The following PLSCR4 variants were observed in gnomAD, a reference collection of about 807,000 sequenced individuals.
PLSCR4 encodes the protein Ca(2+)-dependent phospholipid scramblase 4.
Under a neutral mutation model 36.3 loss-of-function variants are expected in PLSCR4, and 25 were observed. The observed-to-expected ratio is 0.69, with a 90% CI of 0.50 to 0.96. PLSCR4 has a LOEUF of 0.96. Ranked by LOEUF, PLSCR4 falls within the 40% of genes least tolerant of loss-of-function variation. PLSCR4 has a pLI of 0.00. For missense variants in PLSCR4, 408 were observed against 414.7 expected (o/e 0.98, Z 0.14); for synonymous variants, 122 against 132.9 (o/e 0.92, Z 0.56).
Position 146,222,095 on chromosome 3 carries a change from G to GA in PLSCR4, c.-21-4dup. 9.0e-7 allele frequency: 1 copy of GA among 1,108,894 alleles called. No individual in the cohort carries two copies. The highest frequency in any genetic ancestry group is 1.2e-6 in the Non-Finnish European group (1 of 802,344). 68.7% of individuals were successfully genotyped at this position (1,108,894 alleles called of 1,614,324 possible). On this transcript the variant is annotated splice_region_variant and splice_polypyrimidine_tract_variant and intron_variant, in intron 1 of 8. Coordinates refer to ENST00000354952, the MANE Select transcript of PLSCR4 (RefSeq NM_020353.3). ...ATTTTGAAGAATTCCAATTAATCCT[G>GA]AAAAATAAAAAATGTTAATGCCTTT...
chr3:146,224,668 T>C (rs1252465863), intron 1 of PLSCR4, among the ~76,000 whole-genome samples: 10 of 151,906 alleles, frequency 6.6e-5, no homozygotes, highest in Non-Finnish European at 1.0e-4. Context: ...GCTTCCACAG[T>C]GTGGAAGGGG....
At chr3:146,248,468 TTAC>T (rs1356582837) in intron 1 of PLSCR4, among the ~76,000 whole-genome samples, 1 of 151,502 alleles carries the variant, frequency 6.6e-6, no homozygotes, top group Non-Finnish European at 1.5e-5. Context: ...AAAAATATAA[TTAC>T]TACACTACAC....
At chr3:146,225,034 G>A (rs978310509) in intron 1 of PLSCR4, among the ~76,000 whole-genome samples, 1 of 150,678 alleles carries the variant, frequency 6.6e-6, no homozygotes, top group African/African-American at 2.5e-5. Flanking sequence ...CAAACCTTGA[G>A]CTAAATACAG....
intron 4 of PLSCR4, 90 bp from the exon 5 acceptor site, chr3:146,201,167 G>A: frequency 1.3e-6 from 1 of 756,028 alleles, no homozygotes; most frequent in Non-Finnish European, 2.1e-6. Flanking sequence ...ATATTAAAAT[G>A]CATCAATTGA....
chr3:146,202,249 A>G (rs903331925), intron 4 of PLSCR4, among the ~76,000 whole-genome samples: 27 of 151,970 alleles, frequency 1.8e-4, no homozygotes, highest in African/African-American at 6.0e-4. Flanking sequence ...TAGAAGTGAA[A>G]AGTAAAAATA....
intron 1 of PLSCR4, among the ~76,000 whole-genome samples, chr3:146,235,511 C>A (rs1038811524): frequency 3.9e-5 from 6 of 152,076 alleles, no homozygotes; most frequent in African/African-American, 1.2e-4. Context: ...AACTCTTTTT[C>A]TTTGTAAATT....
intron 3 of PLSCR4, 126 bp downstream of exon 3, chr3:146,220,689 C>T (rs868040698): frequency 9.0e-6 from 6 of 667,180 alleles, no homozygotes; most frequent in African/African-American, 1.8e-5. Flanking sequence ...TATGTGGCAC[C>T]CTATTGGCAT....
chr3:146,196,724 C>G lies in PLSCR4; in HGVS notation c.694G>C (p.Val232Leu), dbSNP rs1216544237. ...VAEHWNLCRA[V>L]YSIQNEKKEN... ...TTCTTCTCATTTTGGATGCTGTACACCGCCCTGCACAGGTTCCAATGTTCC... is the reference window on the plus strand; with the variant it reads ...TTCTTCTCATTTTGGATGCTGTACAGCGCCCTGCACAGGTTCCAATGTTCC... Residue 232 changes from valine to leucine, a missense_variant, in exon 7 of 9, where the codon GTG becomes CTG. Val to Leu is a conservative substitution (Grantham distance 32, BLOSUM62 1). Coordinates refer to ENST00000354952, the MANE Select transcript of PLSCR4 (RefSeq NM_020353.3). The G allele has an allele frequency of 6.2e-7, 1 of 1,613,746 alleles. No homozygotes were observed. The highest frequency in any genetic ancestry group is 8.5e-7 in the Non-Finnish European group (1 of 1,179,834).
intron 1 of PLSCR4, among the ~76,000 whole-genome samples, chr3:146,224,490 C>G (rs2035345827): frequency 1.3e-5 from 2 of 148,974 alleles, no homozygotes; most frequent in South Asian, 4.2e-4. Context: ...TTTGTTCCTT[C>G]TTATGTTCCG....
In PLSCR4 at chr3:146,229,144, G is replaced by A. The variant is rs577430547; in HGVS notation, c.-21-7052C>T. 1.9e-4 allele frequency among the ~76,000 whole-genome samples: 29 copies of A among 152,214 alleles called. No individual in the cohort carries two copies. The South Asian group carries it at 3.7e-3, about 20-fold the overall frequency. On this transcript the variant is annotated intron_variant, in intron 1 of 8. Coordinates refer to ENST00000354952, the MANE Select transcript of PLSCR4 (RefSeq NM_020353.3). Reference sequence around the variant, plus strand: ...TATTCTGGTCTTTGCCCTGGGTTCCGGGAAAGCAATTTCTAAACTCTTGGA... The same window carrying A: ...TATTCTGGTCTTTGCCCTGGGTTCCAGGAAAGCAATTTCTAAACTCTTGGA...
Position 146,245,211 on chromosome 3 carries a change from A to G in PLSCR4, c.-22+5749T>C, listed in dbSNP as rs373271777. Among the ~76,000 whole-genome samples the G allele has an allele frequency of 6.9e-4, 105 of 152,194 alleles. No homozygotes were observed. The South Asian group carries it at 8.9e-3, about 13-fold the overall frequency. Reference sequence around the variant, plus strand: ...AAAGAAAATGGAAGCCATTTCCCAGATGATTTTAATATATCCCCTCCTGGC... The same window carrying G: ...AAAGAAAATGGAAGCCATTTCCCAGGTGATTTTAATATATCCCCTCCTGGC... On this transcript the variant is annotated intron_variant, in intron 1 of 8. Coordinates refer to ENST00000354952, the MANE Select transcript of PLSCR4 (RefSeq NM_020353.3).
chr3:146,235,429 G>C (rs1416230318), intron 1 of PLSCR4, among the ~76,000 whole-genome samples: 1 of 152,054 alleles, frequency 6.6e-6, no homozygotes, highest in Non-Finnish European at 1.5e-5. Context: ...AGTTTCCTGA[G>C]GCCTCCCCAG....
intron 1 of PLSCR4, among the ~76,000 whole-genome samples, chr3:146,245,894 T>C (rs763871378): frequency 1.1e-4 from 16 of 152,260 alleles, no homozygotes; most frequent in South Asian, 6.2e-4. Flanking sequence ...ATCCTCTTTA[T>C]AGACTTTAAG....
At chr3:146,230,807 A>C (rs1237781169) in intron 1 of PLSCR4, among the ~76,000 whole-genome samples, 1 of 152,228 alleles carries the variant, frequency 6.6e-6, no homozygotes, top group African/African-American at 2.4e-5. Flanking sequence ...GATAAGCTCC[A>C]TAAAGGAAGA....
At chr3:146,214,874 C>G (rs553030548) in intron 3 of PLSCR4, among the ~76,000 whole-genome samples, 28 of 152,250 alleles carry the variant, frequency 1.8e-4, no homozygotes, top group African/African-American at 6.5e-4. Context: ...TGGGGTATAA[C>G]AGTCTCCAAC....
rs2034343467 is a variant in PLSCR4 at position 146,206,628 on chromosome 3, C to T, written c.252G>A (p.Gln84=). 2 of 1,613,518 alleles carry T rather than the reference C, an allele frequency of 1.2e-6. No individual in the cohort carries two copies. The highest frequency in any genetic ancestry group is 4.5e-5 in the East Asian group (2 of 44,858). The change falls in exon 4 of 9, where the codon CAG becomes CAA. Residue 84 remains glutamine (Q), a synonymous_variant. Transcript: ENST00000354952. The part of the protein sequence containing the change: ...PVGGIHPVRY[Q]PGKYPMPNQS... ...GATTTGGCATAGGATATTTGCCAGG[C>T]TGATACCGGACAGGATGGATACCAC...
At chr3:146,219,416 G>C (rs556099072) in intron 3 of PLSCR4, among the ~76,000 whole-genome samples, 1 of 152,172 alleles carries the variant, frequency 6.6e-6, no homozygotes, top group South Asian at 2.1e-4. Flanking sequence ...AGAAACGATA[G>C]ATAAAGCATG....
At chr3:146,217,320 A>G (rs1193653946) in intron 3 of PLSCR4, among the ~76,000 whole-genome samples, 1 of 152,220 alleles carries the variant, frequency 6.6e-6, no homozygotes, top group Non-Finnish European at 1.5e-5. Context: ...CAGCATCTCC[A>G]TGATGGGGAA....
At chr3:146,240,437 C>T (rs151023309) in intron 1 of PLSCR4, among the ~76,000 whole-genome samples, 2 of 152,196 alleles carry the variant, frequency 1.3e-5, no homozygotes, top group East Asian at 1.9e-4. Context: ...GAGACCCCGT[C>T]TCTACGAAAA....
Sources: allele counts gnomAD v4.1 joint callset (sites outside exome capture counted in the v4.1 genomes callset), GRCh38; gene constraint gnomAD v4.1.1; transcripts MANE v1.5; gene names NCBI Gene and HGNC (gene_info 2026-07-23, HGNC 2026-07-21).